DNA2: variants seen among roughly 807,000 people sequenced by gnomAD.
The protein encoded by DNA2 is DNA replication helicase/nuclease 2.
Under a neutral mutation model 119.1 loss-of-function variants are expected in DNA2, and 101 were observed. The observed-to-expected ratio is 0.85, with a 90% CI of 0.72 to 1.00. The LOEUF (loss-of-function observed/expected upper bound fraction) is 1.00, where lower values mean the gene tolerates loss of function less well. Ranked by LOEUF, DNA2 falls within the 50% of genes least tolerant of loss-of-function variation. The pLI, the probability that DNA2 is intolerant of heterozygous loss-of-function variation, is 0.00. For synonymous variants in DNA2, 366 were observed against 424.4 expected, an observed-to-expected ratio of 0.86 and a Z score of 1.69; for missense variants, 1,121 against 1,255.5, an observed-to-expected ratio of 0.89 and a Z score of 1.62.
Position 68,464,829 on chromosome 10 carries a change from C to CAAAAAAAAAA in DNA2, c.587+828_587+837dup, listed in dbSNP as rs71009067. 3.4e-4 allele frequency among the ~76,000 whole-genome samples: 14 copies of CAAAAAAAAAA among 40,666 alleles called. 2 individuals carry two copies. The highest frequency in any genetic ancestry group is 1.3e-3 in the African/African-American group (14 of 10,414). 26.7% of individuals were successfully genotyped at this position (40,666 alleles called of 152,430 possible). The stretch of plus-strand genomic sequence containing the variant: ...GGACAACAAGAGCGAAACTCCACCT[C>CAAAAAAAAAA]AAAAAAAAAAAAAAAAAAAAAAAAA... On this transcript the variant is annotated intron_variant, in intron 4 of 20. Coordinates refer to ENST00000358410, the MANE Select transcript of DNA2 (RefSeq NM_001080449.3).
At chr10:68,449,908 A>G (rs1298796267) in intron 6 of DNA2, 120 bp downstream of exon 6, 2 of 680,640 alleles carry the variant, frequency 2.9e-6, no homozygotes, top group Non-Finnish European at 4.9e-6. Flanking sequence ...CAGGAGGCGG[A>G]GCTTTCAGTG....
Position 68,430,605 on chromosome 10 carries a change from G to C in DNA2, c.2039C>G (p.Ser680Cys), listed in dbSNP as rs934129700. The C allele has an allele frequency of 6.2e-7, 1 of 1,607,352 alleles. No homozygotes were observed. The highest frequency in any genetic ancestry group is 8.5e-7 in the Non-Finnish European group (1 of 1,176,672). Residue 680 changes from serine (S) to cysteine (C), a missense_variant, in exon 14 of 21, where the codon TCT (serine) becomes TGT (cysteine). Physicochemically the swap from Ser to Cys is moderately radical, Grantham distance 112. Transcript: ENST00000358410. ...FSVLLTSYTHSAVDNILLKLA... is the reference protein window; with the variant it reads ...FSVLLTSYTHCAVDNILLKLA... ...CTTCAAAAGAATATTGTCAACAGCAGAGTGTGTATAGCTGGTCAACAAAAC... is the reference window on the plus strand; with the variant it reads ...CTTCAAAAGAATATTGTCAACAGCACAGTGTGTATAGCTGGTCAACAAAAC...
At chr10:68,434,901 A>G (rs751196935) in intron 10 of DNA2, among the ~76,000 whole-genome samples, 2 of 152,220 alleles carry the variant, frequency 1.3e-5, no homozygotes, top group East Asian at 3.9e-4. Context: ...TCAGATGTCA[A>G]TGAGTCCCAA....
At chr10:68,432,070 T>C in intron 12 of DNA2, 99 bp from the exon 13 acceptor site, 1 of 1,172,020 alleles carries the variant, frequency 8.5e-7, no homozygotes, top group Admixed American at 2.1e-5. Context: ...AAGTCTATTC[T>C]TCAATACAAA....
chr10:68,450,617 T>A (rs2052105959), intron 5 of DNA2, among the ~76,000 whole-genome samples: 1 of 152,214 alleles, frequency 6.6e-6, no homozygotes, highest in Non-Finnish European at 1.5e-5. Context: ...TTCCTTTCAG[T>A]CATTCCTACT....
At chr10:68,432,580 A>T in intron 10 of DNA2, 70 bp from the exon 11 acceptor site, 1 of 871,208 alleles carries the variant, frequency 1.1e-6, no homozygotes, top group South Asian at 1.6e-5. Flanking sequence ...ATATGCTGCT[A>T]TCTGCTAAAA....
At chr10:68,426,995 A>G (rs1439644955) in intron 14 of DNA2, among the ~76,000 whole-genome samples, 13 of 152,186 alleles carry the variant, frequency 8.5e-5, no homozygotes, top group Admixed American at 8.5e-4. Flanking sequence ...AAAATTCTCA[A>G]AACTCAACAC....
rs2051684123 is a variant in DNA2 at position 68,422,835 on chromosome 10, A to C, written c.2264T>G (p.Ile755Ser). The change falls in exon 15 of 21, where the codon ATT becomes AGT. Residue 755 changes from isoleucine (I) to serine (S), a missense_variant. Transcript: ENST00000358410. ...GINHPIFSRK[I>S]FDFCIVDEAS... Reference sequence around the variant, plus strand: ...TTCATCCACAATACAAAAATCAAAAATTTTACGGGAAAATATTGGATGGTT... The same window carrying C: ...TTCATCCACAATACAAAAATCAAAACTTTTACGGGAAAATATTGGATGGTT... 2 of 1,608,430 alleles carry C rather than the reference A, an allele frequency of 1.2e-6. No individual in the cohort carries two copies. Among genetic ancestry groups the C allele is most frequent in the Non-Finnish European group, 1.7e-6 (2 of 1,178,740 alleles).
intron 13 of DNA2, 125 bp downstream of exon 13, chr10:68,431,737 A>T: frequency 1.6e-6 from 1 of 626,722 alleles, no homozygotes; most frequent in Non-Finnish European, 2.8e-6. Context: ...CATTCTAAAA[A>T]GTTCATTTGA....
intron 14 of DNA2, among the ~76,000 whole-genome samples, chr10:68,427,950 T>C (rs1480705823): frequency 1.4e-5 from 2 of 144,428 alleles, no homozygotes; most frequent in African/African-American, 5.2e-5. Flanking sequence ...GGAGAATTGC[T>C]TGAACCTGGG....
chr10:68,459,687 C>T (rs900874590), intron 4 of DNA2, among the ~76,000 whole-genome samples: 1 of 152,120 alleles, frequency 6.6e-6, no homozygotes, highest in African/African-American at 2.4e-5. Flanking sequence ...AGGGTGATGG[C>T]TGTACAACAA....
At chr10:68,430,316 A>C in intron 14 of DNA2, 120 bp downstream of exon 14, 2 of 695,892 alleles carry the variant, frequency 2.9e-6, no homozygotes, top group Non-Finnish European at 4.8e-6. Flanking sequence ...CGTATAGTAC[A>C]TATAAATTAA....
intron 9 of DNA2, among the ~76,000 whole-genome samples, chr10:68,439,589 G>A (rs1466247725): frequency 6.6e-6 from 1 of 151,852 alleles, no homozygotes; most frequent in African/African-American, 2.4e-5. Flanking sequence ...TGTAATCCCA[G>A]CACTTTGGGA....
At chr10:68,444,094 TA>T (rs2052005634) in intron 8 of DNA2, among the ~76,000 whole-genome samples, 1 of 151,724 alleles carries the variant, frequency 6.6e-6, no homozygotes, top group African/African-American at 2.4e-5. Context: ...CTATCTGTAT[TA>T]AAAACACAAA....
chr10:68,419,271 T>C (rs2051635044), intron 18 of DNA2, 58 bp from the exon 19 acceptor site: 1 of 1,295,396 alleles, frequency 7.7e-7, no homozygotes, highest in Non-Finnish European at 1.0e-6. Context: ...TAAACTTTTC[T>C]GAATTTAATA....
At chr10:68,415,183 T>C in intron 20 of DNA2, 76 bp from the exon 21 acceptor site, 1 of 955,130 alleles carries the variant, frequency 1.0e-6, no homozygotes, top group Non-Finnish European at 1.6e-6. Context: ...TTTAACATTT[T>C]GTAATTTGAC....
At chr10:68,427,057 G>A (rs2051751101) in intron 14 of DNA2, among the ~76,000 whole-genome samples, 1 of 151,862 alleles carries the variant, frequency 6.6e-6, no homozygotes, top group Non-Finnish European at 1.5e-5. Flanking sequence ...AGATACAGAT[G>A]ACAAATAAGC....
At chr10:68,439,970 C>G (rs1172598432) in intron 9 of DNA2, among the ~76,000 whole-genome samples, 1 of 151,474 alleles carries the variant, frequency 6.6e-6, no homozygotes, top group Non-Finnish European at 1.5e-5. Context: ...TGCCACTGCA[C>G]TCCAGCCTGG....
chr10:68,430,839 A>G (rs1405487306), intron 13 of DNA2, among the ~76,000 whole-genome samples, 179 bp from the exon 14 acceptor site: 1 of 152,192 alleles, frequency 6.6e-6, no homozygotes, highest in East Asian at 1.9e-4. Flanking sequence ...TAATATGTCA[A>G]TAATACATCA....
Sources: gnomAD v4.1 joint callset for allele counts (sites outside exome capture counted in the v4.1 genomes callset) on GRCh38, gnomAD v4.1.1 for gene constraint, MANE v1.5 for transcripts, NCBI Gene and HGNC (gene_info 2026-07-23, HGNC 2026-07-21) for gene names.